Variants in PTPRK observed in about 807,000 individuals in gnomAD.
The protein encoded by PTPRK is protein tyrosine phosphatase receptor type K.
Under a neutral mutation model 178.0 loss-of-function variants are expected in PTPRK, and 75 were observed. The observed-to-expected ratio is 0.42, with a 90% CI of 0.35 to 0.51. The LOEUF (loss-of-function observed/expected upper bound fraction) is 0.51, where lower values mean the gene tolerates loss of function less well. Among genes scored for constraint, PTPRK ranks in the 20% least tolerant of loss-of-function variants. The pLI is 0.02. For synonymous variants in PTPRK, 637 were observed against 620.6 expected, an observed-to-expected ratio of 1.03 and a Z score of -0.39; for missense variants, 1,441 against 1,797.8, an observed-to-expected ratio of 0.80 and a Z score of 3.59.
At chr6:128,190,157 C>T (rs1002163949) in intron 6 of PTPRK, among the ~76,000 whole-genome samples, 3 of 152,054 alleles carry the variant, frequency 2.0e-5, no homozygotes, top group Non-Finnish European at 4.4e-5. Context: ...AAGAAGTATA[C>T]ATTTGAAAAT....
At chr6:128,422,462 C>G (rs1843591570) in intron 1 of PTPRK, among the ~76,000 whole-genome samples, 2 of 152,056 alleles carry the variant, frequency 1.3e-5, no homozygotes, top group Admixed American at 1.3e-4. Flanking sequence ...AGACTGCATT[C>G]CTGAGCTCTC....
intron 24 of PTPRK, among the ~76,000 whole-genome samples, chr6:127,982,435 G>C (rs961251472): frequency 4.6e-5 from 7 of 152,088 alleles, no homozygotes; most frequent in African/African-American, 1.4e-4. Flanking sequence ...ACCATGCCTG[G>C]CTAATTTTTT....
At chr6:128,256,446 A>ATTTTTT (rs528110195) in intron 3 of PTPRK, among the ~76,000 whole-genome samples, 4 of 142,552 alleles carry the variant, frequency 2.8e-5, no homozygotes, top group African/African-American at 7.8e-5. Flanking sequence ...TATGTTCTTC[A>ATTTTTT]TTTTTTTTTT....
intron 1 of PTPRK, among the ~76,000 whole-genome samples, chr6:128,493,672 CA>C (rs1293846047): frequency 1.4e-5 from 2 of 145,758 alleles, no homozygotes; most frequent in African/African-American, 5.1e-5. Flanking sequence ...ATACTGTGGT[CA>C]ATTCATAGAA....
intron 7 of PTPRK, among the ~76,000 whole-genome samples, chr6:128,107,112 A>C (rs1242495493): frequency 2.6e-5 from 4 of 152,144 alleles, no homozygotes; most frequent in Admixed American, 1.3e-4. Flanking sequence ...ATAAATAACC[A>C]AAATTAAGCA....
At chr6:128,093,596 CAAAAAAAAAAAA>C (rs1172145765) in intron 7 of PTPRK, among the ~76,000 whole-genome samples, 164 of 6,278 alleles carry the variant, frequency 0.026, 1 homozygote, top group African/African-American at 0.079. Context: ...GACTCTCTCT[CAAAAAAAAAAAA>C]AAAAAAAAAA....
At chr6:127,983,008 T>G (rs989159606) in intron 23 of PTPRK, 28 bp from the exon 24 acceptor site, 2 of 1,586,600 alleles carry the variant, frequency 1.3e-6, no homozygotes, top group South Asian at 2.3e-5. Context: ...AAGAAAATTT[T>G]GTACTAGTTT....
At chr6:128,102,394 AG>A (rs1788942506) in intron 7 of PTPRK, among the ~76,000 whole-genome samples, 1 of 152,216 alleles carries the variant, frequency 6.6e-6, no homozygotes, top group Non-Finnish European at 1.5e-5. Flanking sequence ...TGGAAAAAAG[AG>A]GTAAATAAAA....
chr6:128,044,801 A>C (rs544492005), intron 13 of PTPRK, among the ~76,000 whole-genome samples: 1 of 152,102 alleles, frequency 6.6e-6, no homozygotes, highest in South Asian at 2.1e-4. Flanking sequence ...AAAACTTCAA[A>C]ACTATCTTGA....
intron 3 of PTPRK, among the ~76,000 whole-genome samples, chr6:128,261,359 A>C (rs1052725759): frequency 4.6e-5 from 7 of 152,190 alleles, no homozygotes; most frequent in East Asian, 1.9e-4. Flanking sequence ...ATAACAAAAA[A>C]CAGCAAATTT....
At chr6:128,334,310 A>C (rs945200960) in intron 2 of PTPRK, among the ~76,000 whole-genome samples, 1 of 152,214 alleles carries the variant, frequency 6.6e-6, no homozygotes, top group African/African-American at 2.4e-5. Context: ...AATGAGGCAA[A>C]GCACAATAAA....
intron 1 of PTPRK, among the ~76,000 whole-genome samples, chr6:128,453,909 G>T (rs1218840477): frequency 6.6e-6 from 1 of 152,048 alleles, no homozygotes; most frequent in East Asian, 1.9e-4. Flanking sequence ...GTGGTTCCAG[G>T]TAACCAAATA....
At chr6:128,470,504 A>C (rs1850479787) in intron 1 of PTPRK, among the ~76,000 whole-genome samples, 1 of 152,062 alleles carries the variant, frequency 6.6e-6, no homozygotes, top group Non-Finnish European at 1.5e-5. Context: ...CCTCTAACAA[A>C]GTCTCTGCTT....
At chr6:128,115,009 C>T (rs564429351) in intron 7 of PTPRK, among the ~76,000 whole-genome samples, 1 of 152,108 alleles carries the variant, frequency 6.6e-6, no homozygotes, top group Non-Finnish European at 1.5e-5. Context: ...AAAACACAGT[C>T]CCCCAGGGTG....
chr6:128,220,070 C>A (rs1487568166), intron 5 of PTPRK, among the ~76,000 whole-genome samples: 2 of 151,866 alleles, frequency 1.3e-5, no homozygotes, highest in Non-Finnish European at 2.9e-5. Context: ...ATATCCCAGA[C>A]AAGAGTAATA....
chr6:128,435,106 A>AAGGCAGGC (rs66666583), intron 1 of PTPRK, among the ~76,000 whole-genome samples: 10 of 64,618 alleles, frequency 1.5e-4, no homozygotes, highest in Non-Finnish European at 2.4e-4. Context: ...GGAAGGAAGG[A>AAGGCAGGC]AGGCAGGAAG....
At chr6:128,494,238 A>G (rs1854332547) in intron 1 of PTPRK, among the ~76,000 whole-genome samples, 2 of 151,378 alleles carry the variant, frequency 1.3e-5, no homozygotes, top group South Asian at 4.2e-4. Flanking sequence ...AGTTACTTGA[A>G]CCTGCTAATT....
chr6:128,032,610 C>A (rs565793265), intron 13 of PTPRK, among the ~76,000 whole-genome samples: 4 of 152,186 alleles, frequency 2.6e-5, no homozygotes, highest in Admixed American at 1.3e-4. Flanking sequence ...CGCATATGAA[C>A]TGTCAACTTA....
chr6:128,259,463 GCA>G (rs915036042), intron 3 of PTPRK, among the ~76,000 whole-genome samples: 1 of 152,084 alleles, frequency 6.6e-6, no homozygotes, highest in Non-Finnish European at 1.5e-5. Flanking sequence ...ATATGCACAT[GCA>G]CACACACATA....
Sources: allele counts gnomAD v4.1 joint callset (sites outside exome capture counted in the v4.1 genomes callset), GRCh38; gene constraint gnomAD v4.1.1; transcripts MANE v1.5; gene names NCBI Gene and HGNC (gene_info 2026-07-23, HGNC 2026-07-21).